DIABLO: variants seen among roughly 807,000 people sequenced by gnomAD.
DIABLO encodes diablo IAP-binding mitochondrial protein.
Under a neutral mutation model 31.7 loss-of-function variants are expected in DIABLO, and 32 were observed. The ratio of observed to expected loss-of-function variants is 1.01; its 90% CI spans 0.76 to 1.35. The LOEUF is 1.35. DIABLO is among the 40% of genes most tolerant of loss of function. The pLI is 0.00. For missense variants in DIABLO, 316 were observed against 286.4 expected (o/e 1.10, Z -0.75); for synonymous variants, 132 against 103.2 (o/e 1.28, Z -1.69).
At chr12:122,226,895 G>T (rs111297621), upstream of DIABLO, among the ~76,000 whole-genome samples, 804 of 152,322 alleles carry the variant, frequency 5.3e-3, 7 homozygotes, top group African/African-American at 0.018. Flanking sequence ...TGTGAGTGCC[G>T]CTAATGCGCT....
upstream of DIABLO, chr12:122,226,366 G>A: frequency 3.5e-6 from 2 of 579,500 alleles, no homozygotes; most frequent in East Asian, 3.0e-5. Context: ...GTGAGTTAGG[G>A]AGGCGGGGCC....
intron 1 of DIABLO, chr12:122,225,720 G>A (rs879291127): frequency 3.5e-6 from 5 of 1,422,342 alleles, no homozygotes; most frequent in South Asian, 1.5e-5. Context: ...GCCCCAAGAA[G>A]GCAGCCCGGG....
intron 2 of DIABLO, among the ~76,000 whole-genome samples, chr12:122,219,257 A>C (rs1954283642): frequency 6.6e-6 from 1 of 151,930 alleles, no homozygotes. Context: ...AACCAAAAAA[A>C]CCCCCAAAAC....
intron 1 of DIABLO, 32 bp downstream of exon 1, chr12:122,225,933 G>C (rs1345354536): frequency 1.3e-6 from 2 of 1,573,030 alleles, no homozygotes; most frequent in Non-Finnish European, 8.6e-7. Flanking sequence ...CCTCCCTCTG[G>C]TCCTGTCCCC....
chr12:122,225,794 G>A (rs1382373158), intron 1 of DIABLO, 171 bp downstream of exon 1: 3 of 1,461,180 alleles, frequency 2.1e-6, no homozygotes, highest in South Asian at 2.8e-5. Context: ...GACCCAGGGG[G>A]CGGAGGCGGG....
chr12:122,220,782 T>C (rs1170733645), intron 2 of DIABLO: 1 of 152,220 alleles, frequency 6.6e-6, no homozygotes, highest in African/African-American at 2.4e-5. Flanking sequence ...AGAAATATTT[T>C]TGATATGAAC....
At chr12:122,213,251 C>T (rs73419797) in intron 5 of DIABLO, among the ~76,000 whole-genome samples, 3,998 of 151,752 alleles carry the variant, frequency 0.026, 194 homozygotes, top group African/African-American at 0.091. Context: ...ATCATAAGGC[C>T]GTGCACAGTG....
At chr12:122,226,245 G>C (rs776169361), upstream of DIABLO, 16 of 740,594 alleles carry the variant, frequency 2.2e-5, 1 homozygote, top group South Asian at 2.4e-4. Flanking sequence ...CGGGGCATAT[G>C]CAGGGCCTGA....
chr12:122,227,183 C>G (rs1954496104), upstream of DIABLO, among the ~76,000 whole-genome samples: 1 of 152,222 alleles, frequency 6.6e-6, no homozygotes, highest in Non-Finnish European at 1.5e-5. Flanking sequence ...CGCCACCGTG[C>G]TCTGTGCATC....
rs1446518062 is a variant in DIABLO, at chr12:122,218,412, C to G, written c.184-15G>C. On this transcript the variant is annotated splice_polypyrimidine_tract_variant and intron_variant, in intron 2 of 5. Transcript: ENST00000464942. Reference sequence around the variant, plus strand: ...GGCTCTGATTTCTGAAAGACACAAACATTGTCACTCAACCTCTAAAGCTCA... The same window carrying G: ...GGCTCTGATTTCTGAAAGACACAAAGATTGTCACTCAACCTCTAAAGCTCA... 1.9e-6 allele frequency: 3 copies of G among 1,614,000 alleles called. No individual in the cohort carries two copies. The East Asian group carries it at 6.7e-5, about 36-fold the overall frequency.
chr12:122,227,057 C>G (rs1343241182), upstream of DIABLO, among the ~76,000 whole-genome samples: 15 of 152,232 alleles, frequency 9.9e-5, no homozygotes, highest in Admixed American at 9.8e-4. Flanking sequence ...CAAGGCTTGC[C>G]AGCAGCAGAG....
chr12:122,226,794 A>C (rs1281433622), upstream of DIABLO: 3 of 531,026 alleles, frequency 5.6e-6, no homozygotes, highest in African/African-American at 6.0e-5. Flanking sequence ...CGGGCTGAGG[A>C]GGCAGAAGCC....
In DIABLO at chr12:122,216,758, C is replaced by A. The variant is rs1469108529; in HGVS notation, c.426+1G>T. 6.2e-7 allele frequency: 1 copy of A among 1,613,916 alleles called. No individual in the cohort carries two copies. Among genetic ancestry groups the A allele is most frequent in the African/African-American group, 1.3e-5 (1 of 75,062 alleles). On this transcript the variant is annotated splice_donor_variant, in intron 4 of 5. Transcript: ENST00000464942. LOFTEE classifies it high-confidence loss of function. ...AGAAATGCCTAGAACTTTCTGCTTA[C>A]CTCAGCTCTGGCTCCTATGATCACC...
intron 3 of DIABLO, chr12:122,217,735 G>C (rs1483232252): frequency 6.3e-6 from 1 of 157,872 alleles, no homozygotes; most frequent in Non-Finnish European, 1.4e-5. Context: ...TGACTGGGTT[G>C]GTCTTGAACT....
chr12:122,216,648 A>T, intron 4 of DIABLO, 64 bp from the exon 5 acceptor site: 1 of 1,564,272 alleles, frequency 6.4e-7, no homozygotes, highest in Non-Finnish European at 8.8e-7. Flanking sequence ...AATGGACTTA[A>T]AGTAGTAGAT....
chr12:122,220,677 A>AAACAAAAC (rs959371408), intron 2 of DIABLO: 2 of 151,998 alleles, frequency 1.3e-5, no homozygotes, highest in African/African-American at 4.9e-5. Flanking sequence ...AACAAAACAA[A>AAACAAAAC]AACAAAAACA....
At chr12:122,208,996 TA>T (rs1426043300) in intron 5 of DIABLO, 2 of 329,536 alleles carry the variant, frequency 6.1e-6, no homozygotes, top group South Asian at 2.5e-5. Context: ...CATAGAAAAA[TA>T]TTTTTTTACT....
At position 122,208,633 on chromosome 12, in the gene DIABLO, T is replaced by C. The variant is rs1374896035; in HGVS notation, c.524-56A>G. ...AGCCGTGCAGGGCGCGGAAGGCTCA[T>C]GTGGACGTTGGCCTGGGGGTGCTGT... On this transcript the variant is annotated intron_variant, in intron 5 of 5. Transcript: ENST00000464942. 6 of 1,571,616 alleles carry C rather than the reference T, an allele frequency of 3.8e-6. No homozygotes were observed. The Admixed American group carries it at 5.3e-5, about 14-fold the overall frequency.
Position 122,207,999 on chromosome 12 carries a change from A to T in DIABLO, c.*382T>A, listed in dbSNP as rs767450318. The stretch of plus-strand genomic sequence containing the variant: ...ATCCCAACAGAGGGAACAAGTACTA[A>T]ATCATTTTTGACGACGTAAATAAGA... On this transcript the variant is annotated 3_prime_UTR_variant, in exon 6 of 6. Transcript: ENST00000464942. 1 of 480,334 alleles carries T rather than the reference A, an allele frequency of 2.1e-6. No individual in the cohort carries two copies. Among genetic ancestry groups the T allele is most frequent in the South Asian group, 1.5e-5 (1 of 64,682 alleles). 29.8% of individuals were successfully genotyped at this position (480,334 alleles called of 1,614,324 possible). A position where few individuals can be genotyped will look rare whatever the true frequency, so the allele number is the denominator to read the frequency against.
Sources: allele counts gnomAD v4.1 joint callset (sites outside exome capture counted in the v4.1 genomes callset), GRCh38; gene constraint gnomAD v4.1.1; transcripts MANE v1.5; gene names NCBI Gene and HGNC (gene_info 2026-07-23, HGNC 2026-07-21).